The following NLRP10 variants were observed in gnomAD, a reference collection of about 807,000 sequenced individuals.
The protein encoded by NLRP10 is NLR family pyrin domain containing 10, also known as NACHT, LRR and PYD domains-containing protein 10.
In NLRP10, 7 loss-of-function variants were observed where a neutral mutation model predicts 8.2. That is an observed-to-expected ratio of 0.85 (90% CI 0.48 to 1.60). The LOEUF (loss-of-function observed/expected upper bound fraction) is 1.60. NLRP10 is among the 40% of genes most tolerant of loss of function. The pLI is 0.00. For synonymous variants in NLRP10, 338 were observed against 314.0 expected, an observed-to-expected ratio of 1.08 and a Z score of -0.81; for missense variants, 814 against 776.3, an observed-to-expected ratio of 1.05 and a Z score of -0.58.
At position 7,963,528 on chromosome 11, in the gene NLRP10, G is replaced by A; in HGVS notation, c.-33C>T. The A allele has an allele frequency of 1.3e-6, 2 of 1,572,390 alleles. No homozygotes were observed. Among genetic ancestry groups the A allele is most frequent in the Non-Finnish European group, 1.7e-6 (2 of 1,158,348 alleles). ...TGGGGGAAGGATCAAGTCCAGACCA[G>A]AAGACCAGTGACCTGGAGAAAGAGG... On this transcript the variant is annotated 5_prime_UTR_variant, in exon 2 of 3. Transcript: ENST00000691676.
rs1338690838 is a variant in NLRP10 at position 7,961,104 on chromosome 11, C to A, written c.508G>T (p.Val170Leu). Residue 170 changes from valine to leucine, a missense_variant, in exon 3 of 3, where the codon GTG becomes TTG. Transcript: ENST00000691676. Reference protein sequence around the residue: ...EKPSLAPSLVVLQGSAGTGKT... With the variant: ...EKPSLAPSLVLLQGSAGTGKT... ...CCAGTGCCAGCCGACCCCTGTAGCA[C>A]AACTAAGGATGGGGCCAGTGAGGGC... The A allele has an allele frequency of 2.5e-6, 4 of 1,614,044 alleles. No individual in the cohort carries two copies. Among genetic ancestry groups the A allele is most frequent in the Non-Finnish European group, 2.5e-6 (3 of 1,180,042 alleles).
rs149473831 is a variant in NLRP10, at chr11:7,959,748, G to T, written c.1864C>A (p.His622Asn). The T allele has an allele frequency of 6.2e-7, 1 of 1,613,196 alleles. No homozygotes were observed. The highest frequency in any genetic ancestry group is 1.1e-5 in the South Asian group (1 of 91,038). The change falls in exon 3 of 3, where the codon CAT (histidine) becomes AAT (asparagine). Residue 622 changes from histidine to asparagine, a missense_variant. By Grantham distance (68) the His-to-Asn change is moderately conservative (BLOSUM62 1). Coordinates refer to ENST00000691676, the MANE Select transcript of NLRP10 (RefSeq NM_001391958.1). ...TTATCTTTGCCCTCCTTCTGTCCAT[G>T]GACAGAAGGACATTTTTGCTCCTCC... is the stretch of plus-strand genomic sequence containing the variant. The part of the protein sequence containing the change: ...PKEEQKCPSV[H>N]GQKEGKDNIA...
At position 7,960,032 on chromosome 11, in the gene NLRP10, G is replaced by C; in HGVS notation, c.1580C>G (p.Ser527Trp). The C allele has an allele frequency of 6.2e-7, 1 of 1,613,958 alleles. No individual in the cohort carries two copies. Among genetic ancestry groups the C allele is most frequent in the Non-Finnish European group, 8.5e-7 (1 of 1,179,918 alleles). ...LLDISKKDSF[S>W]NLELKFCFRI... is the part of the protein sequence containing the mutation. ...GAAGCAGAACTTGAGCTCCAAGTTC[G>C]AGAAGCTGTCTTTTTTCGAGATGTC... is the stretch of plus-strand genomic sequence containing the variant. The change falls in exon 3 of 3, where the codon TCG becomes TGG. Residue 527 changes from serine (S) to tryptophan (W), a missense_variant. Physicochemically the swap from Ser to Trp is radical, Grantham distance 177. Coordinates refer to ENST00000691676, the MANE Select transcript of NLRP10 (RefSeq NM_001391958.1).
In NLRP10 at chr11:7,959,999, G is replaced by T; in HGVS notation, c.1613C>A (p.Ser538Tyr). The change falls in exon 3 of 3, where the codon TCT becomes TAT. Residue 538 changes from serine to tyrosine, a missense_variant. Physicochemically the swap from Ser to Tyr is moderately radical, Grantham distance 144. Coordinates refer to ENST00000691676, the MANE Select transcript of NLRP10 (RefSeq NM_001391958.1). ...NLELKFCFRI[S>Y]PCLAQDLKHF... is the part of the protein sequence containing the mutation. Reference sequence around the variant, plus strand: ...CTTCAGATCCTGCGCTAAACAGGGAGAAATTCTGAAGCAGAACTTGAGCTC... The same window carrying T: ...CTTCAGATCCTGCGCTAAACAGGGATAAATTCTGAAGCAGAACTTGAGCTC... The T allele has an allele frequency of 6.2e-7, 1 of 1,614,052 alleles. No individual in the cohort carries two copies. The highest frequency in any genetic ancestry group is 8.5e-7 in the Non-Finnish European group (1 of 1,179,940).
In NLRP10 at chr11:7,958,424, G is replaced by T. The variant is rs998439523; in HGVS notation, c.*1220C>A. On this transcript the variant is annotated 3_prime_UTR_variant, in exon 3 of 3. Coordinates refer to ENST00000691676, the MANE Select transcript of NLRP10 (RefSeq NM_001391958.1). ...TGGGATGTTAGCCATTCTAACAGGG[G>T]TGTCATGGTATCTTATTGTGGTTTT... Among the ~76,000 whole-genome samples the T allele has an allele frequency of 6.6e-6, 1 of 152,184 alleles. No individual in the cohort carries two copies. The highest frequency in any genetic ancestry group is 1.9e-4 in the East Asian group (1 of 5,196).
At position 7,960,752 on chromosome 11, in the gene NLRP10, G is replaced by C; in HGVS notation, c.860C>G (p.Ser287Cys). The change falls in exon 3 of 3, where the codon TCC becomes TGC. Residue 287 changes from serine (S) to cysteine (C), a missense_variant. Ser to Cys is a moderately radical substitution (Grantham distance 112, BLOSUM62 -1). Transcript: ENST00000691676. ...CAGGGGCCGGGTGGTGATGAGAAGG[G>C]AGCACGTGGGGAGTGTATGTCTCCT... Reference protein sequence around the residue: ...LIRRHTLPTCSLLITTRPLAL... With the variant: ...LIRRHTLPTCCLLITTRPLAL... 3 of 1,614,174 alleles carry C rather than the reference G, an allele frequency of 1.9e-6. No homozygotes were observed. The highest frequency in any genetic ancestry group is 2.5e-6 in the Non-Finnish European group (3 of 1,180,038).
chr11:7,958,865 T>A lies in NLRP10; in HGVS notation c.*779A>T, dbSNP rs557568895. Among the ~76,000 whole-genome samples, 58 of 152,340 alleles carry A rather than the reference T, an allele frequency of 3.8e-4. No homozygotes were observed. Among genetic ancestry groups the A allele is most frequent in the African/African-American group, 1.4e-3 (58 of 41,578 alleles). On this transcript the variant is annotated 3_prime_UTR_variant, in exon 3 of 3. Coordinates refer to ENST00000691676, the MANE Select transcript of NLRP10 (RefSeq NM_001391958.1). ...TTGAGTTTTAAGAGCTATTTGTATT[T>A]TTTTTTACCCAAGTCTTTTATCAGA...
In NLRP10 at chr11:7,960,304, A is replaced by G; in HGVS notation, c.1308T>C (p.His436=). Reference sequence around the variant, plus strand: ...CGGCAAGCCTGGGGCCATCTAAATTATGTTTCCTGAGCTCAGCTTCTTCAA... The same window carrying G: ...CGGCAAGCCTGGGGCCATCTAAATTGTGTTTCCTGAGCTCAGCTTCTTCAA... The part of the protein sequence containing the change: ...FLFEEAELRK[H]NLDGPRLAAF... The change falls in exon 3 of 3, where the codon CAT becomes CAC. Residue 436 remains histidine, a synonymous_variant. Transcript: ENST00000691676. 1 of 1,614,082 alleles carries G rather than the reference A, an allele frequency of 6.2e-7. No individual in the cohort carries two copies. The highest frequency in any genetic ancestry group is 8.5e-7 in the Non-Finnish European group (1 of 1,180,020).
At chr11:7,964,330 A>C (rs1941783769) in intron 1 of NLRP10, among the ~76,000 whole-genome samples, 1 of 152,200 alleles carries the variant, frequency 6.6e-6, no homozygotes, top group African/African-American at 2.4e-5. Context: ...AAAAAAATCT[A>C]CACTCAACCC....
intron 2 of NLRP10, among the ~76,000 whole-genome samples, chr11:7,962,125 G>T (rs1017372366): frequency 6.6e-6 from 1 of 150,486 alleles, no homozygotes; most frequent in Non-Finnish European, 1.5e-5. Context: ...TATGCCTCTT[G>T]TACCACCTGC....
chr11:7,963,780 C>A, intron 1 of NLRP10: 1 of 363,872 alleles, frequency 2.7e-6, no homozygotes, highest in Non-Finnish European at 4.5e-6. Context: ...GTTAATCTCT[C>A]AATCTCTCTC....
At chr11:7,964,518 C>T (rs751344895) in intron 1 of NLRP10, among the ~76,000 whole-genome samples, 1 of 152,190 alleles carries the variant, frequency 6.6e-6, no homozygotes, top group Non-Finnish European at 1.5e-5. Context: ...CAGAAATCGT[C>T]TCAGGAACTG....
In NLRP10 at chr11:7,961,130, T is replaced by A. The variant is rs780788985; in HGVS notation, c.482A>T (p.Lys161Met). Residue 161 changes from lysine (K) to methionine (M), a missense_variant, in exon 3 of 3, where the codon AAG (lysine) becomes ATG (methionine). By Grantham distance (95) the Lys-to-Met change is moderately conservative. Transcript: ENST00000691676. Reference sequence around the variant, plus strand: ...AACTAAGGATGGGGCCAGTGAGGGCTTTTCCCCTGAATCAAATAGAGCCTC... The same window carrying A: ...AACTAAGGATGGGGCCAGTGAGGGCATTTCCCCTGAATCAAATAGAGCCTC... ...TVEALFDSGE[K>M]PSLAPSLVVL... is the part of the protein sequence containing the mutation. 6.2e-7 allele frequency: 1 copy of A among 1,613,854 alleles called. No individual in the cohort carries two copies. The highest frequency in any genetic ancestry group is 8.5e-7 in the Non-Finnish European group (1 of 1,179,904).
At chr11:7,963,663 A>G (rs1941771543) in intron 1 of NLRP10, 123 bp from the exon 2 acceptor site, 1 of 601,064 alleles carries the variant, frequency 1.7e-6, no homozygotes, top group Non-Finnish European at 2.9e-6. Context: ...GCTCCAAGAA[A>G]GACAAGCAGA....
chr11:7,964,017 G>T (rs540926038), intron 1 of NLRP10, among the ~76,000 whole-genome samples: 3 of 152,164 alleles, frequency 2.0e-5, no homozygotes, highest in East Asian at 3.9e-4. Context: ...CACATCCCAC[G>T]TTCAAGCAAT....
At chr11:7,963,614 T>C (rs773790818) in intron 1 of NLRP10, 74 bp from the exon 2 acceptor site, 2 of 812,954 alleles carry the variant, frequency 2.5e-6, no homozygotes, top group Non-Finnish European at 1.9e-6. Flanking sequence ...GGCCAAGTTA[T>C]AGAGCGGAGG....
In NLRP10 at chr11:7,963,664, G is replaced by C. The variant is rs116798336; in HGVS notation, c.-45-124C>G. On this transcript the variant is annotated intron_variant, in intron 1 of 2. Transcript: ENST00000691676. The stretch of plus-strand genomic sequence containing the variant: ...GATACATGTGCAAAGCTCCAAGAAA[G>C]ACAAGCAGATGAAACGCAGGGGAAT... 1.3e-3 allele frequency: 808 copies of C among 600,172 alleles called. 3 individuals are homozygous for C. Among genetic ancestry groups the C allele is most frequent in the African/African-American group, 0.012 (647 of 54,130 alleles). The allele number at this position is 600,172 out of a possible 1,614,324, so 37.2% of individuals were successfully genotyped here.
chr11:7,960,759 T>C lies in NLRP10; in HGVS notation c.853A>G (p.Thr285Ala). The C allele has an allele frequency of 2.5e-6, 4 of 1,614,088 alleles. No individual in the cohort carries two copies. Among genetic ancestry groups the C allele is most frequent in the Non-Finnish European group, 3.4e-6 (4 of 1,180,018 alleles). The change falls in exon 3 of 3, where the codon ACG becomes GCG. Residue 285 changes from threonine (T) to alanine (A), a missense_variant. Coordinates refer to ENST00000691676, the MANE Select transcript of NLRP10 (RefSeq NM_001391958.1). ...HLLIRRHTLP[T>A]CSLLITTRPL... ...CGGGTGGTGATGAGAAGGGAGCACGTGGGGAGTGTATGTCTCCTAATTAGA... is the reference window on the plus strand; with the variant it reads ...CGGGTGGTGATGAGAAGGGAGCACGCGGGGAGTGTATGTCTCCTAATTAGA...
chr11:7,963,467 C>T lies in NLRP10; in HGVS notation c.29G>A (p.Arg10Gln), dbSNP rs113204543. The change falls in exon 2 of 3, where the codon CGG becomes CAG. Residue 10 changes from arginine (R) to glutamine (Q), a missense_variant. Arg to Gln is a conservative substitution (Grantham distance 43). Coordinates refer to ENST00000691676, the MANE Select transcript of NLRP10 (RefSeq NM_001391958.1). MAMAKARKP[R>Q]EALLWALSDL... ...ACTCAAGGCCCAGAGCAATGCCTCC[C>T]GGGGCTTTCTGGCCTTGGCCATGGC... 8.8e-4 allele frequency: 1,424 copies of T among 1,613,400 alleles called. 5 individuals are homozygous for T. In the African/African-American group the frequency reaches 0.012, roughly 13 times the overall value.
Sources: gnomAD v4.1 joint callset for allele counts (sites outside exome capture counted in the v4.1 genomes callset) on GRCh38, gnomAD v4.1.1 for gene constraint, MANE v1.5 for transcripts, NCBI Gene and HGNC (gene_info 2026-07-23, HGNC 2026-07-21) for gene names.